The following CUL5 variants were observed in gnomAD, a reference collection of about 807,000 sequenced individuals.
CUL5 encodes cullin-5.
CUL5 carries 26 observed loss-of-function variants against 108.8 expected under a neutral mutation model. That is an observed-to-expected ratio of 0.24 (90% CI 0.18 to 0.33). The LOEUF (loss-of-function observed/expected upper bound fraction) is 0.33, where lower values mean the gene tolerates loss of function less well. CUL5 is among the 10% of genes least tolerant of loss of function. CUL5 has a pLI of 1.00. For synonymous variants in CUL5, 334 were observed against 298.0 expected, an observed-to-expected ratio of 1.12 and a Z score of -1.25; for missense variants, 524 against 909.2, an observed-to-expected ratio of 0.58 and a Z score of 5.45.
At chr11:108,103,481 ATAAT>A (rs768453349) in intron 18 of CUL5, among the ~76,000 whole-genome samples, 3 of 152,216 alleles carry the variant, frequency 2.0e-5, no homozygotes, top group African/African-American at 4.8e-5. Flanking sequence ...TGTAGCAAAT[ATAAT>A]TAATTAATCT....
intron 1 of CUL5, among the ~76,000 whole-genome samples, chr11:108,016,050 TG>T (rs1391969619): frequency 6.6e-6 from 1 of 152,048 alleles, no homozygotes; most frequent in African/African-American, 2.4e-5. Context: ...GCCTCCTGAG[TG>T]GCTGAGACTA....
chr11:108,076,145 A>G (rs1489595273), intron 10 of CUL5, among the ~76,000 whole-genome samples: 1 of 151,904 alleles, frequency 6.6e-6, no homozygotes, highest in Non-Finnish European at 1.5e-5. Flanking sequence ...TGATCTTCCC[A>G]CCTCAGCCTC....
At chr11:108,098,644 G>A in intron 18 of CUL5, 115 bp downstream of exon 18, 1 of 722,316 alleles carries the variant, frequency 1.4e-6, no homozygotes. Flanking sequence ...AAGTGCAGTG[G>A]CCCACACATA....
chr11:108,065,166 C>T (rs1207083858), intron 7 of CUL5, among the ~76,000 whole-genome samples: 1 of 151,990 alleles, frequency 6.6e-6, no homozygotes, highest in Non-Finnish European at 1.5e-5. Flanking sequence ...GCTGGGACTA[C>T]AGGCGCCCGC....
chr11:108,073,013 T>C (rs1863861388), intron 9 of CUL5, among the ~76,000 whole-genome samples: 1 of 151,876 alleles, frequency 6.6e-6, no homozygotes, highest in Non-Finnish European at 1.5e-5. Flanking sequence ...CTATCCTGGC[T>C]AACATGGTGA....
At chr11:108,100,983 C>T (rs548816890) in intron 18 of CUL5, among the ~76,000 whole-genome samples, 3 of 151,552 alleles carry the variant, frequency 2.0e-5, no homozygotes, top group South Asian at 2.1e-4. Context: ...GAGCGGAGAT[C>T]GCGCCACTGC....
At chr11:108,081,064 A>G (rs1200816444) in intron 11 of CUL5, among the ~76,000 whole-genome samples, 2 of 152,010 alleles carry the variant, frequency 1.3e-5, no homozygotes, top group South Asian at 2.1e-4. Context: ...AAGCGGGTGG[A>G]TCACTTGAGG....
At chr11:108,073,680 TA>T (rs1863880171) in intron 10 of CUL5, 183 bp downstream of exon 10, 1 of 363,546 alleles carries the variant, frequency 2.8e-6, no homozygotes, top group South Asian at 1.1e-4. Flanking sequence ...TGTTAAACAT[TA>T]GATAGCCTTG....
chr11:108,089,447 G>T (rs1205280360), intron 12 of CUL5, 45 bp from the exon 13 acceptor site: 2 of 1,426,864 alleles, frequency 1.4e-6, no homozygotes, highest in Non-Finnish European at 1.9e-6. Context: ...TTCGAGAGAT[G>T]GTAAGAGTAT....
intron 8 of CUL5, 92 bp from the exon 9 acceptor site, chr11:108,072,239 GA>G: frequency 9.4e-7 from 1 of 1,060,304 alleles, no homozygotes; most frequent in Non-Finnish European, 1.3e-6. Flanking sequence ...TGTATCCACA[GA>G]ATACTATTAA....
At chr11:108,087,175 C>T (rs1252443238) in intron 11 of CUL5, among the ~76,000 whole-genome samples, 1 of 152,000 alleles carries the variant, frequency 6.6e-6, no homozygotes, top group Non-Finnish European at 1.5e-5. Context: ...CTTCTCAGGG[C>T]AAAGACATAC....
At chr11:108,094,702 T>C (rs1864446005) in intron 14 of CUL5, 110 bp from the exon 15 acceptor site, 1 of 954,538 alleles carries the variant, frequency 1.0e-6, no homozygotes, top group Non-Finnish European at 1.5e-6. Context: ...AGGACACTTT[T>C]AACAAAATCT....
intron 7 of CUL5, among the ~76,000 whole-genome samples, chr11:108,058,641 A>T (rs1376688990): frequency 6.6e-6 from 1 of 151,658 alleles, no homozygotes; most frequent in Non-Finnish European, 1.5e-5. Context: ...TACTTTATGG[A>T]ATATGGTCAG....
chr11:108,013,531 G>C (rs1862106421), intron 1 of CUL5, among the ~76,000 whole-genome samples: 1 of 151,998 alleles, frequency 6.6e-6, no homozygotes, highest in African/African-American at 2.4e-5. Flanking sequence ...CTACTTAGCT[G>C]GTTACTTGTT....
intron 1 of CUL5, among the ~76,000 whole-genome samples, chr11:108,019,970 C>G (rs1168720499): frequency 6.6e-6 from 1 of 151,998 alleles, no homozygotes; most frequent in Non-Finnish European, 1.5e-5. Context: ...AGGTACCAGG[C>G]TCTTTTTAAC....
chr11:108,088,749 T>TA, intron 12 of CUL5, 90 bp downstream of exon 12: 1 of 957,668 alleles, frequency 1.0e-6, no homozygotes, highest in Admixed American at 3.4e-5. Flanking sequence ...AGTATCAATT[T>TA]AAAAATGTAT....
intron 1 of CUL5, among the ~76,000 whole-genome samples, chr11:108,029,629 A>T (rs997445524): frequency 2.6e-5 from 4 of 152,234 alleles, no homozygotes; most frequent in Admixed American, 6.5e-5. Context: ...CTTCAGTTTA[A>T]TAGAGAATAG....
intron 7 of CUL5, among the ~76,000 whole-genome samples, chr11:108,056,154 C>T (rs895310505): frequency 6.6e-6 from 1 of 152,096 alleles, no homozygotes; most frequent in Non-Finnish European, 1.5e-5. Context: ...GAGGACTGAC[C>T]TTAGGGTGCT....
Position 108,107,269 on chromosome 11 carries a change from A to G in CUL5, c.*2885A>G, listed in dbSNP as rs1357158649. The G allele has an allele frequency of 6.6e-6, 1 of 152,532 alleles. No homozygotes were observed. The highest frequency in any genetic ancestry group is 1.5e-5 in the Non-Finnish European group (1 of 68,020). The allele number at this position is 152,532 out of a possible 1,614,324, so 9.4% of individuals were successfully genotyped here. On this transcript the variant is annotated 3_prime_UTR_variant, in exon 19 of 19. Transcript: ENST00000393094. ...TACTTTTTATTAAATTTAATAGAAA[A>G]TATGACCTGAGTAGTTAAAAAGTAT...
Sources: allele counts gnomAD v4.1 joint callset (sites outside exome capture counted in the v4.1 genomes callset), GRCh38; gene constraint gnomAD v4.1.1; transcripts MANE v1.5; gene names NCBI Gene and HGNC (gene_info 2026-07-23, HGNC 2026-07-21).